Variants in SPTLC2 observed in about 807,000 individuals in gnomAD.
The protein encoded by SPTLC2 is serine palmitoyltransferase 2.
SPTLC2 carries 21 observed loss-of-function variants against 62.0 expected under a neutral mutation model. The observed-to-expected ratio is 0.34, with a 90% confidence interval of 0.24 to 0.49. The LOEUF is 0.49. Ranked by LOEUF, SPTLC2 falls within the 20% of genes least tolerant of loss-of-function variation. The pLI, the probability that SPTLC2 is intolerant of heterozygous loss-of-function variation, is 0.99. For synonymous variants in SPTLC2, 261 were observed against 261.8 expected, an observed-to-expected ratio of 1.00 and a Z score of 0.03; for missense variants, 511 against 713.0, an observed-to-expected ratio of 0.72 and a Z score of 3.23.
At chr14:77,576,698 T>G (rs1227251605) in intron 4 of SPTLC2, 69 bp downstream of exon 4, 10 of 1,599,490 alleles carry the variant, frequency 6.3e-6, no homozygotes, top group Non-Finnish European at 1.7e-6. Context: ...TAGGTCAATA[T>G]TACTATTATT....
rs1035407081 is a variant in SPTLC2 at position 77,521,442 on chromosome 14, G to A, written c.1439+4C>T. The A allele has an allele frequency of 1.1e-5, 17 of 1,614,004 alleles. No homozygotes were observed. The highest frequency in any genetic ancestry group is 2.2e-5 in the East Asian group (1 of 44,882). Reference sequence around the variant, plus strand: ...ACTGGTCTGTGATCTGCAACAAAACGTACCCAATTTTGGCAGGCATGTAGA... The same window carrying A: ...ACTGGTCTGTGATCTGCAACAAAACATACCCAATTTTGGCAGGCATGTAGA... On this transcript the variant is annotated splice_donor_region_variant and intron_variant, in intron 10 of 11. Coordinates refer to ENST00000216484, the MANE Select transcript of SPTLC2 (RefSeq NM_004863.4).
At position 77,549,708 on chromosome 14, in the gene SPTLC2, A is replaced by G. The variant is rs531931563; in HGVS notation, c.1303+2388T>C. Among the ~76,000 whole-genome samples the G allele has an allele frequency of 2.6e-5, 4 of 152,294 alleles. No homozygotes were observed. The East Asian group carries it at 7.7e-4, about 29-fold the overall frequency. On this transcript the variant is annotated intron_variant, in intron 9 of 11. Coordinates refer to ENST00000216484, the MANE Select transcript of SPTLC2 (RefSeq NM_004863.4). Reference sequence around the variant, plus strand: ...AATCAGATGGCTGTTGTGTCACATCACTAAGCTTTGGGGGTGGCTAGAGGC... The same window carrying G: ...AATCAGATGGCTGTTGTGTCACATCGCTAAGCTTTGGGGGTGGCTAGAGGC...
chr14:77,526,260 A>G (rs1170309427), intron 9 of SPTLC2, among the ~76,000 whole-genome samples: 3 of 152,218 alleles, frequency 2.0e-5, no homozygotes, highest in African/African-American at 7.2e-5. Context: ...CCAGTGTAGT[A>G]GCTCAGTCCC....
intron 5 of SPTLC2, among the ~76,000 whole-genome samples, chr14:77,566,993 C>T (rs975824231): frequency 5.9e-5 from 9 of 151,386 alleles, no homozygotes; most frequent in East Asian, 2.0e-4. Context: ...TTTTTTGAGA[C>T]GGAGTCTCGC....
intron 1 of SPTLC2, among the ~76,000 whole-genome samples, chr14:77,599,219 T>G (rs2079864477): frequency 6.6e-6 from 1 of 152,232 alleles, no homozygotes; most frequent in South Asian, 2.1e-4. Flanking sequence ...AGTTTGTGTG[T>G]TAACTTTAAT....
In SPTLC2 at chr14:77,508,926, C is replaced by T. The variant is rs2079318919; in HGVS notation, c.*3358G>A. On this transcript the variant is annotated 3_prime_UTR_variant, in exon 12 of 12. Transcript: ENST00000216484. ...GAGTTGGAATTTTAAAAATCAAGAA[C>T]TTGAAGGTACAGAAAGAAAGAAAGG... 1 of 152,020 alleles carries T rather than the reference C, an allele frequency of 6.6e-6. No individual in the cohort carries two copies. Among genetic ancestry groups the T allele is most frequent in the South Asian group, 2.1e-4 (1 of 4,826 alleles). 9.4% of individuals were successfully genotyped at this position (152,020 alleles called of 1,614,324 possible).
At chr14:77,591,542 A>T (rs2079816465) in intron 2 of SPTLC2, among the ~76,000 whole-genome samples, 1 of 152,088 alleles carries the variant, frequency 6.6e-6, no homozygotes, top group Non-Finnish European at 1.5e-5. Context: ...AAAACAATGA[A>T]ATACAGTGCT....
At chr14:77,547,290 A>T (rs2079533870) in intron 9 of SPTLC2, among the ~76,000 whole-genome samples, 1 of 152,182 alleles carries the variant, frequency 6.6e-6, no homozygotes, top group African/African-American at 2.4e-5. Flanking sequence ...GGTAAGAACA[A>T]AACTGTGCTT....
At chr14:77,524,202 A>T (rs905266195) in intron 9 of SPTLC2, among the ~76,000 whole-genome samples, 1 of 152,220 alleles carries the variant, frequency 6.6e-6, no homozygotes, top group African/African-American at 2.4e-5. Context: ...CGTTTGTATG[A>T]AACTCTAAAA....
chr14:77,551,390 CAAAAAAAAAA>C (rs11347331), intron 9 of SPTLC2, among the ~76,000 whole-genome samples: 1 of 61,170 alleles, frequency 1.6e-5, no homozygotes, highest in Non-Finnish European at 2.8e-5. Flanking sequence ...GACTCCGTCT[CAAAAAAAAAA>C]AAAAAAAAAA....
intron 9 of SPTLC2, among the ~76,000 whole-genome samples, chr14:77,529,250 CTT>C (rs1236400226): frequency 7.4e-5 from 8 of 107,408 alleles, no homozygotes; most frequent in Admixed American, 5.1e-4. Context: ...TTGAAAACTT[CTT>C]CTTTTTTTTT....
intron 11 of SPTLC2, among the ~76,000 whole-genome samples, chr14:77,515,895 T>C (rs944032948): frequency 6.6e-6 from 1 of 152,212 alleles, no homozygotes; most frequent in African/African-American, 2.4e-5. Context: ...AAATTTTCTT[T>C]TCATTTGTTC....
At chr14:77,563,717 T>A (rs2079627390) in intron 5 of SPTLC2, among the ~76,000 whole-genome samples, 1 of 152,154 alleles carries the variant, frequency 6.6e-6, no homozygotes, top group Admixed American at 6.5e-5. Context: ...TGAGACACTG[T>A]GCCTGGCTGA....
intron 9 of SPTLC2, among the ~76,000 whole-genome samples, chr14:77,522,411 C>G (rs749398658): frequency 3.9e-5 from 6 of 152,204 alleles, no homozygotes; most frequent in Non-Finnish European, 7.3e-5. Context: ...GATCTACCCA[C>G]CTTGGCCTCC....
intron 2 of SPTLC2, among the ~76,000 whole-genome samples, chr14:77,596,480 G>A (rs775132821): frequency 6.6e-6 from 1 of 151,916 alleles, no homozygotes; most frequent in Non-Finnish European, 1.5e-5. Context: ...TCCAGCCTGG[G>A]TTGACAAAGC....
At chr14:77,561,234 G>C (rs1476373570) in intron 6 of SPTLC2, among the ~76,000 whole-genome samples, 1 of 152,060 alleles carries the variant, frequency 6.6e-6, no homozygotes, top group Non-Finnish European at 1.5e-5. Flanking sequence ...ATTAAATGAG[G>C]GCACACCCAG....
intron 2 of SPTLC2, among the ~76,000 whole-genome samples, chr14:77,579,487 G>A (rs182179435): frequency 3.3e-5 from 5 of 152,146 alleles, no homozygotes; most frequent in South Asian, 2.1e-4. Context: ...GGTGGCTCAC[G>A]TCTGTAATCC....
chr14:77,587,478 G>T (rs1389940272), intron 2 of SPTLC2, among the ~76,000 whole-genome samples: 1 of 151,920 alleles, frequency 6.6e-6, no homozygotes, highest in Non-Finnish European at 1.5e-5. Flanking sequence ...TTATTAAAAT[G>T]AAGGAAGGCC....
At chr14:77,515,621 C>G (rs1306120805) in intron 11 of SPTLC2, among the ~76,000 whole-genome samples, 1 of 146,040 alleles carries the variant, frequency 6.8e-6, no homozygotes, top group East Asian at 2.0e-4. Context: ...GCGATCTCAG[C>G]TCACTGCAAC....
Sources: gnomAD v4.1 joint callset for allele counts (sites outside exome capture counted in the v4.1 genomes callset) on GRCh38, gnomAD v4.1.1 for gene constraint, MANE v1.5 for transcripts, NCBI Gene and HGNC (gene_info 2026-07-23, HGNC 2026-07-21) for gene names.